The following TXK variants were observed in gnomAD, a reference collection of about 807,000 sequenced individuals.
The protein encoded by TXK is TXK tyrosine kinase.
In TXK, 60 loss-of-function variants were observed where a neutral mutation model predicts 81.0. The ratio of observed to expected loss-of-function variants is 0.74; its 90% confidence interval spans 0.60 to 0.92. TXK has a LOEUF of 0.92. Among genes scored for constraint, TXK ranks in the 40% least tolerant of loss-of-function variants. TXK has a pLI of 0.00. For missense variants in TXK, 581 were observed against 638.3 expected (o/e 0.91, Z 0.97); for synonymous variants, 203 against 210.7 (o/e 0.96, Z 0.32).
At chr4:48,094,904 G>A (rs1043380847) in intron 7 of TXK, among the ~76,000 whole-genome samples, 2 of 152,142 alleles carry the variant, frequency 1.3e-5, no homozygotes, top group African/African-American at 2.4e-5. Context: ...GCCCAACAGC[G>A]TCTACTACAA....
Position 48,115,385 on chromosome 4 carries a change from C to T in TXK, c.17-983G>A, listed in dbSNP as rs141796442. ...TCCCTGCAAAGGACATGAACTCATT[C>T]GTTTTTATGGCTGCATAGTATTCCA... On this transcript the variant is annotated intron_variant, in intron 1 of 14. Transcript: ENST00000264316. Among the ~76,000 whole-genome samples, 21 of 152,144 alleles carry T rather than the reference C, an allele frequency of 1.4e-4. No individual in the cohort carries two copies. In the East Asian group the frequency reaches 3.3e-3, roughly 24 times the overall value.
chr4:48,131,743 T>G (rs1011148317), intron 1 of TXK, among the ~76,000 whole-genome samples: 3 of 152,352 alleles, frequency 2.0e-5, no homozygotes, highest in Middle Eastern at 3.4e-3. Context: ...ACACTCACAG[T>G]GATTTATTTT....
intron 1 of TXK, among the ~76,000 whole-genome samples, chr4:48,119,577 C>T (rs193234202): frequency 6.0e-4 from 92 of 152,256 alleles, no homozygotes; most frequent in African/African-American, 2.1e-3. Flanking sequence ...CCTTTTCCTG[C>T]ACCCAGAAAT....
At chr4:48,127,482 A>G (rs1719119533) in intron 1 of TXK, among the ~76,000 whole-genome samples, 1 of 152,232 alleles carries the variant, frequency 6.6e-6, no homozygotes, top group Non-Finnish European at 1.5e-5. Flanking sequence ...TTGAGCTTTT[A>G]GCAAATTCCC....
intron 10 of TXK, 66 bp downstream of exon 10, chr4:48,086,400 A>G: frequency 9.1e-6 from 14 of 1,544,520 alleles, no homozygotes; most frequent in Admixed American, 1.7e-5. Flanking sequence ...CTGCCTCCAA[A>G]GCTCATGTTG....
intron 10 of TXK, among the ~76,000 whole-genome samples, chr4:48,081,475 C>T (rs1014058210): frequency 1.3e-5 from 2 of 152,130 alleles, no homozygotes; most frequent in African/African-American, 4.8e-5. Flanking sequence ...AACTCTAGGA[C>T]TTCTTAATAC....
At chr4:48,119,197 T>C (rs1179474570) in intron 1 of TXK, among the ~76,000 whole-genome samples, 1 of 152,172 alleles carries the variant, frequency 6.6e-6, no homozygotes, top group Non-Finnish European at 1.5e-5. Flanking sequence ...GTTTCCAAGA[T>C]AAAGTTTAGG....
chr4:48,134,066 C>A, intron 1 of TXK, 89 bp downstream of exon 1: 1 of 1,492,768 alleles, frequency 6.7e-7, no homozygotes, highest in South Asian at 1.2e-5. Context: ...AGCTCTATGC[C>A]TTGGAAAAAA....
chr4:48,129,629 A>G (rs1176698488), intron 1 of TXK, among the ~76,000 whole-genome samples: 3 of 152,138 alleles, frequency 2.0e-5, no homozygotes, highest in African/African-American at 7.2e-5. Flanking sequence ...CCTGATGATG[A>G]CCGCTCATCT....
chr4:48,068,129 A>T (rs1386340940), intron 14 of TXK, among the ~76,000 whole-genome samples: 1 of 152,236 alleles, frequency 6.6e-6, no homozygotes, highest in East Asian at 1.9e-4. Context: ...AAATGTTTAA[A>T]TTCAGTTACT....
In TXK at chr4:48,066,595, C is replaced by A. The variant is rs1333481097; in HGVS notation, c.*1042G>T. 6.6e-6 allele frequency: 1 copy of A among 152,190 alleles called. No individual in the cohort carries two copies. The highest frequency in any genetic ancestry group is 1.5e-5 in the Non-Finnish European group (1 of 68,046). 9.4% of individuals were successfully genotyped at this position (152,190 alleles called of 1,614,324 possible). On this transcript the variant is annotated 3_prime_UTR_variant, in exon 15 of 15. Transcript: ENST00000264316. Reference sequence around the variant, plus strand: ...ATAATGGGCTCCTGTTGTCAGACTTCATGGTGATTACATTAGTGCTTTCTC... The same window carrying A: ...ATAATGGGCTCCTGTTGTCAGACTTAATGGTGATTACATTAGTGCTTTCTC...
intron 10 of TXK, among the ~76,000 whole-genome samples, chr4:48,084,047 T>C (rs1211774497): frequency 6.6e-6 from 1 of 152,156 alleles, no homozygotes; most frequent in Non-Finnish European, 1.5e-5. Flanking sequence ...CAATAGAATG[T>C]TAGAATGGAA....
In TXK at chr4:48,080,038, G is replaced by C; in HGVS notation, c.1047C>G (p.Gly349=). Residue 349 remains glycine, a synonymous_variant, in exon 11 of 15, where the codon GGC becomes GGG. Transcript: ENST00000264316. The part of the protein sequence containing the change: ...LYIVTEFMEN[G]CLLNYLRENK... ...TCTCCCTGAGATAGTTAAGCAGGCAGCCATTTTCCATGAACTCTGTCACAA... is the reference window on the plus strand; with the variant it reads ...TCTCCCTGAGATAGTTAAGCAGGCACCCATTTTCCATGAACTCTGTCACAA... The C allele has an allele frequency of 3.1e-6, 5 of 1,614,022 alleles. No individual in the cohort carries two copies. The highest frequency in any genetic ancestry group is 4.2e-6 in the Non-Finnish European group (5 of 1,179,966).
chr4:48,075,479 C>T lies in TXK; in HGVS notation c.1238+923G>A, dbSNP rs574992982. On this transcript the variant is annotated intron_variant, in intron 12 of 14. Coordinates refer to ENST00000264316, the MANE Select transcript of TXK (RefSeq NM_003328.3). ...CAGCCTGGCCAACATGGTGAAACCC[C>T]GCCTCTACCAAAAATAAAAAATTAG... Among the ~76,000 whole-genome samples, 30 of 152,096 alleles carry T rather than the reference C, an allele frequency of 2.0e-4. 1 individual carries two copies. The South Asian group carries it at 5.2e-3, about 26-fold the overall frequency.
At chr4:48,121,424 AT>A (rs1718959121) in intron 1 of TXK, among the ~76,000 whole-genome samples, 1 of 152,142 alleles carries the variant, frequency 6.6e-6, no homozygotes, top group South Asian at 2.1e-4. Context: ...ACACAGGCCA[AT>A]TTATCAAGAA....
chr4:48,072,935 A>AT (rs1716920056), intron 13 of TXK, among the ~76,000 whole-genome samples: 1 of 151,854 alleles, frequency 6.6e-6, no homozygotes, highest in Admixed American at 6.6e-5. Context: ...TTATGTTTTA[A>AT]TTTTTTTGAG....
At chr4:48,076,358 G>C (rs781304640) in intron 12 of TXK, 44 bp downstream of exon 12, 1 of 1,381,044 alleles carries the variant, frequency 7.2e-7, no homozygotes, top group Admixed American at 2.2e-5. Context: ...CCTCTTATGA[G>C]TAAACAAACA....
At chr4:48,108,436 C>CCT (rs1718531413) in intron 5 of TXK, among the ~76,000 whole-genome samples, 1 of 152,166 alleles carries the variant, frequency 6.6e-6, no homozygotes, top group Non-Finnish European at 1.5e-5. Context: ...AGTTTAGAGA[C>CCT]ATTAGGTAAC....
At chr4:48,098,213 C>T (rs1413649950) in intron 6 of TXK, among the ~76,000 whole-genome samples, 2 of 152,154 alleles carry the variant, frequency 1.3e-5, no homozygotes, top group Non-Finnish European at 2.9e-5. Flanking sequence ...TAATCAACAG[C>T]ACCGCCAGAA....
Sources: gnomAD v4.1 joint callset for allele counts (sites outside exome capture counted in the v4.1 genomes callset) on GRCh38, gnomAD v4.1.1 for gene constraint, MANE v1.5 for transcripts, NCBI Gene and HGNC (gene_info 2026-07-23, HGNC 2026-07-21) for gene names.